The following DPP6 variants were observed in gnomAD, a reference collection of about 807,000 sequenced individuals.
DPP6 encodes the protein A-type potassium channel modulatory protein DPP6.
DPP6 carries 69 observed loss-of-function variants against 122.6 expected under a neutral mutation model. That is an observed-to-expected ratio of 0.56 (90% CI 0.46 to 0.69). The LOEUF is 0.69. Among genes scored for constraint, DPP6 ranks in the 30% least tolerant of loss-of-function variants. The probability of loss-of-function intolerance (pLI) is 0.00; values close to 1 mark genes in which losing one functional copy is unlikely to be tolerated. For missense variants in DPP6, 928 were observed against 1,116.9 expected (o/e 0.83, Z 2.41); for synonymous variants, 418 against 433.1 (o/e 0.97, Z 0.43).
At chr7:153,898,694 C>G (rs1165097339) in intron 1 of DPP6, among the ~76,000 whole-genome samples, 2 of 152,080 alleles carry the variant, frequency 1.3e-5, no homozygotes, top group African/African-American at 4.8e-5. Context: ...GGAAAATGGC[C>G]GTCTTCAGTT....
chr7:154,780,789 A>T (rs1319108841), intron 10 of DPP6, among the ~76,000 whole-genome samples: 1 of 152,240 alleles, frequency 6.6e-6, no homozygotes, highest in Non-Finnish European at 1.5e-5. Context: ...GCATTGAGGC[A>T]TGAGCAAATA....
chr7:153,968,850 C>T (rs1305550544), intron 1 of DPP6: 3 of 151,814 alleles, frequency 2.0e-5, no homozygotes, highest in Admixed American at 6.6e-5. Context: ...TAAGTGGAAT[C>T]GTACATGGTG....
intron 1 of DPP6, among the ~76,000 whole-genome samples, chr7:154,430,736 T>C (rs1245643829): frequency 6.6e-6 from 1 of 152,212 alleles, no homozygotes; most frequent in Non-Finnish European, 1.5e-5. Context: ...CTTGACGCTC[T>C]GCTAGAGGCT....
At chr7:154,067,185 TTTCACAAGTACTAGGGC>T (rs1802791137) in intron 1 of DPP6, among the ~76,000 whole-genome samples, 1 of 116,428 alleles carries the variant, frequency 8.6e-6, no homozygotes, top group Non-Finnish European at 1.7e-5. Flanking sequence ...ATATTAATCG[TTTCACAAGTACTAGGGC>T]TTCAATACAT....
At chr7:153,853,299 G>C in the DPP6 span, among the ~76,000 whole-genome samples, 1 of 152,152 alleles carries the variant, frequency 6.6e-6, no homozygotes, top group African/African-American at 2.4e-5. Context: ...GTTCACTTCT[G>C]TTTCAGAAGC....
At chr7:154,380,839 C>T (rs984145177) in intron 1 of DPP6, among the ~76,000 whole-genome samples, 1 of 152,156 alleles carries the variant, frequency 6.6e-6, no homozygotes, top group Admixed American at 6.5e-5. Flanking sequence ...CCCTGTTTCC[C>T]CAGTTCTGGG....
At chr7:154,020,092 AG>A (rs199603526) in intron 1 of DPP6, among the ~76,000 whole-genome samples, 5 of 150,126 alleles carry the variant, frequency 3.3e-5, no homozygotes, top group African/African-American at 1.2e-4. Flanking sequence ...AAAACTTTCC[AG>A]AATTTCACAC....
In DPP6 at chr7:154,029,707, A is replaced by G. The variant is rs1361350335; in HGVS notation, c.51+141973A>G. Among the ~76,000 whole-genome samples the G allele has an allele frequency of 8.5e-4, 107 of 125,234 alleles. 1 individual carries two copies. The highest frequency in any genetic ancestry group is 3.0e-3 in the African/African-American group (102 of 33,528). The allele number at this position is 125,234 out of a possible 152,430, so 82.2% of individuals were successfully genotyped here. Reference sequence around the variant, plus strand: ...TAAAAATGCAAAAAATTAGTTGGGCATGGTGGCGGGCGCCTGTAGTCCCAG... The same window carrying G: ...TAAAAATGCAAAAAATTAGTTGGGCGTGGTGGCGGGCGCCTGTAGTCCCAG... On this transcript the variant is annotated intron_variant, in intron 1 of 25. Coordinates refer to the DPP6 transcript ENST00000404039.
At chr7:154,501,168 C>A (rs1417907931) in intron 3 of DPP6, among the ~76,000 whole-genome samples, 1 of 152,000 alleles carries the variant, frequency 6.6e-6, no homozygotes, top group Non-Finnish European at 1.5e-5. Flanking sequence ...CAAGAGGTGA[C>A]CTGGGTGCTA....
At chr7:153,898,697 C>T (rs1799513848) in intron 1 of DPP6, among the ~76,000 whole-genome samples, 1 of 152,176 alleles carries the variant, frequency 6.6e-6, no homozygotes, top group Non-Finnish European at 1.5e-5. Flanking sequence ...AAATGGCCGT[C>T]TTCAGTTGCG....
At chr7:154,041,992 C>T (rs1311292278) in intron 1 of DPP6, among the ~76,000 whole-genome samples, 3 of 152,118 alleles carry the variant, frequency 2.0e-5, no homozygotes, top group South Asian at 2.1e-4. Context: ...TTCCCGACCT[C>T]GTGATCCGCC....
At chr7:154,607,065 G>A (rs1833607322) in intron 5 of DPP6, among the ~76,000 whole-genome samples, 1 of 121,074 alleles carries the variant, frequency 8.3e-6, no homozygotes, top group Non-Finnish European at 1.9e-5. Context: ...TGCATGAAAT[G>A]CCACGCGATG....
chr7:154,637,483 C>T (rs1049368662), intron 5 of DPP6, among the ~76,000 whole-genome samples: 3 of 152,160 alleles, frequency 2.0e-5, no homozygotes, highest in South Asian at 2.1e-4. Flanking sequence ...GTCTAGCTGA[C>T]GGTGCCTGAT....
At chr7:153,954,270 G>GT (rs1671701185) in intron 1 of DPP6, among the ~76,000 whole-genome samples, 1 of 152,198 alleles carries the variant, frequency 6.6e-6, no homozygotes, top group South Asian at 2.1e-4. Flanking sequence ...ATATACATTA[G>GT]TTGAATAGTA....
chr7:154,278,682 G>C (rs1224567120), intron 1 of DPP6, among the ~76,000 whole-genome samples: 1 of 152,196 alleles, frequency 6.6e-6, no homozygotes, highest in Non-Finnish European at 1.5e-5. Flanking sequence ...TAGTAATGTT[G>C]TAGTGGAAAA....
intron 1 of DPP6, among the ~76,000 whole-genome samples, chr7:154,297,063 G>GTTTTTTTTT (rs34506058): frequency 3.4e-4 from 43 of 125,248 alleles, no homozygotes; most frequent in Non-Finnish European, 5.1e-4. Context: ...AATGTATTCT[G>GTTTTTTTTT]TTTTTTTTTT....
At chr7:154,596,520 C>T (rs1833102702) in intron 5 of DPP6, among the ~76,000 whole-genome samples, 1 of 152,006 alleles carries the variant, frequency 6.6e-6, no homozygotes. Flanking sequence ...GGTGTTAAGA[C>T]AATGGATAGC....
intron 1 of DPP6, among the ~76,000 whole-genome samples, chr7:154,062,669 G>A (rs1585285640): frequency 1.6e-5 from 1 of 61,618 alleles, no homozygotes; most frequent in Non-Finnish European, 2.9e-5. Flanking sequence ...CCCCCCGCGA[G>A]GGTGGGGACT....
At chr7:154,005,275 G>A (rs985614675) in intron 1 of DPP6, among the ~76,000 whole-genome samples, 1 of 152,082 alleles carries the variant, frequency 6.6e-6, no homozygotes, top group Non-Finnish European at 1.5e-5. Context: ...TGGCTGCCTG[G>A]GCCATCTGAG....
Sources: gnomAD v4.1 joint callset for allele counts (sites outside exome capture counted in the v4.1 genomes callset) on GRCh38, gnomAD v4.1.1 for gene constraint, MANE v1.5 for transcripts, NCBI Gene and HGNC (gene_info 2026-07-23, HGNC 2026-07-21) for gene names.